The following PPFIBP2 variants were observed in gnomAD, a reference collection of about 807,000 sequenced individuals.
The protein encoded by PPFIBP2 is PPFIB scaffold protein 2, also known as liprin-beta-2.
Under a neutral mutation model 118.3 loss-of-function variants are expected in PPFIBP2, and 118 were observed. The ratio of observed to expected loss-of-function variants is 1.00; its 90% CI spans 0.86 to 1.16. The LOEUF (loss-of-function observed/expected upper bound fraction) is 1.16, where lower values mean the gene tolerates loss of function less well. Ranked by LOEUF, PPFIBP2 falls within the 50% of genes most tolerant of loss-of-function variation. The pLI is 0.00. For synonymous variants in PPFIBP2, 414 were observed against 397.4 expected (o/e 1.04, Z -0.50); for missense variants, 1,195 against 1,073.1 (o/e 1.11, Z -1.59).
downstream of PPFIBP2, chr11:7,656,926 G>A: frequency 3.2e-6 from 2 of 627,450 alleles, no homozygotes; most frequent in South Asian, 3.1e-5. Flanking sequence ...CAGACAGGCT[G>A]CTGACAGGCA....
rs550333923 is a variant in PPFIBP2 at position 7,555,167 on chromosome 11, A to G, written c.64+5628A>G. ...GGTTCAGTGGCTACTTTGTCAGGCC[A>G]CTTCTGGCAGGGGACCAGAGAGCCA... On this transcript the variant is annotated intron_variant, in intron 2 of 23. Transcript: ENST00000299492. Among the ~76,000 whole-genome samples the G allele has an allele frequency of 2.6e-3, 398 of 152,276 alleles. 3 individuals carry two copies. The highest frequency in any genetic ancestry group is 9.4e-3 in the African/African-American group (391 of 41,552).
chr11:7,666,362 TAAAAC>T, the PPFIBP2 span: 2 of 868,298 alleles, frequency 2.3e-6, no homozygotes, highest in East Asian at 2.4e-5. Context: ...CCTACAAAAC[TAAAAC>T]AAAACAAAGA....
chr11:7,597,845 T>C lies in PPFIBP2; in HGVS notation c.486+172T>C, dbSNP rs74921026. 1,080 of 590,466 alleles carry C rather than the reference T, an allele frequency of 1.8e-3. 11 individuals carry two copies. The highest frequency in any genetic ancestry group is 0.018 in the African/African-American group (965 of 53,956). The allele number at this position is 590,466 out of a possible 1,614,324, so 36.6% of individuals were successfully genotyped here. ...CAGCAGGTGAAACCAACCTGAACGT[T>C]GAGAGTGGCAGAGGGGGTAGGGAAG... On this transcript the variant is annotated intron_variant, in intron 5 of 23. Transcript: ENST00000299492.
chr11:7,582,716 G>GAA lies in PPFIBP2; in HGVS notation c.280-10402_280-10401dup, dbSNP rs57245348. 1.7e-3 allele frequency among the ~76,000 whole-genome samples: 218 copies of GAA among 127,128 alleles called. 4 individuals carry two copies. The highest frequency in any genetic ancestry group is 5.9e-3 in the African/African-American group (204 of 34,596). 83.4% of individuals were successfully genotyped at this position (127,128 alleles called of 152,430 possible). On this transcript the variant is annotated intron_variant, in intron 3 of 23. Coordinates refer to ENST00000299492, the MANE Select transcript of PPFIBP2 (RefSeq NM_003621.5). ...ACTGATGTCACTACCAATGTCATAG[G>GAA]AAAAAAAAAAAAAAACCAGCCAAAC... is the stretch of plus-strand genomic sequence containing the variant.
At chr11:7,564,028 TG>T (rs1432159165) in intron 2 of PPFIBP2, among the ~76,000 whole-genome samples, 2 of 152,080 alleles carry the variant, frequency 1.3e-5, no homozygotes, top group African/African-American at 4.8e-5. Context: ...TAGCCAGGCG[TG>T]GTGGCGGGCA....
At position 7,628,278 on chromosome 11, in the gene PPFIBP2, C is replaced by T. The variant is rs1850289483; in HGVS notation, c.827-7C>T. 1 of 1,611,694 alleles carries T rather than the reference C, an allele frequency of 6.2e-7. No individual in the cohort carries two copies. Among genetic ancestry groups the T allele is most frequent in the Admixed American group, 1.7e-5 (1 of 59,940 alleles). ...AAATAATTATTTCTATACCTGAATT[C>T]TTTTAGACCAAGAAATTCAACGTCT... On this transcript the variant is annotated splice_polypyrimidine_tract_variant and splice_region_variant and intron_variant, in intron 8 of 23. Transcript: ENST00000299492.
At chr11:7,570,404 T>G (rs1435175424) in intron 3 of PPFIBP2, among the ~76,000 whole-genome samples, 2 of 152,188 alleles carry the variant, frequency 1.3e-5, no homozygotes, top group African/African-American at 4.8e-5. Flanking sequence ...ATGTACACCC[T>G]TCATCTCCTA....
At chr11:7,577,780 G>T in intron 3 of PPFIBP2, 2 of 406,950 alleles carry the variant, frequency 4.9e-6, no homozygotes, top group South Asian at 3.5e-5. Flanking sequence ...AGTTCTTCAT[G>T]AGAATCTAAT....
Position 7,577,332 on chromosome 11 carries a change from T to TGTGTGTGC in PPFIBP2, c.279+11572_279+11573insCGTGTGTG, listed in dbSNP as rs1564994302. On this transcript the variant is annotated intron_variant, in intron 3 of 23. Transcript: ENST00000299492. ...GTGCATGTATGTGCGTGTGTGTGTG[T>TGTGTGTGC]GTGTGTGTGTGTGTGTGTGTTTGTT... 1,272 of 243,630 alleles carry TGTGTGTGC rather than the reference T, an allele frequency of 5.2e-3. 11 individuals are homozygous for TGTGTGTGC. Among genetic ancestry groups the TGTGTGTGC allele is most frequent in the African/African-American group, 0.028 (1,060 of 38,012 alleles). 15.1% of individuals were successfully genotyped at this position (243,630 alleles called of 1,614,324 possible).
chr11:7,659,170 T>C (rs1358304834), downstream of PPFIBP2, among the ~76,000 whole-genome samples: 11 of 150,196 alleles, frequency 7.3e-5, no homozygotes, highest in South Asian at 6.3e-4. Flanking sequence ...TTGTCAATTT[T>C]GTCTTTTGTT....
chr11:7,534,807 C>T (rs1040370191), intron 1 of PPFIBP2, among the ~76,000 whole-genome samples: 1 of 152,224 alleles, frequency 6.6e-6, no homozygotes, highest in Non-Finnish European at 1.5e-5. Context: ...CTCTGGCAGG[C>T]ATTGTGCAGT....
chr11:7,639,958 C>A (rs910486786), intron 15 of PPFIBP2, 88 bp downstream of exon 15: 2 of 1,493,448 alleles, frequency 1.3e-6, no homozygotes, highest in Non-Finnish European at 1.8e-6. Flanking sequence ...CCTACCACCA[C>A]AATCCACAAT....
chr11:7,561,124 A>G (rs147242095), intron 2 of PPFIBP2, among the ~76,000 whole-genome samples: 12 of 152,274 alleles, frequency 7.9e-5, no homozygotes, highest in Admixed American at 6.5e-4. Flanking sequence ...CTGGAGTGCA[A>G]TGGCACAATC....
In PPFIBP2 at chr11:7,653,106, A is replaced by G. The variant is rs1342024912; in HGVS notation, c.2519A>G (p.Glu840Gly). The G allele has an allele frequency of 1.2e-6, 2 of 1,614,216 alleles. No individual in the cohort carries two copies. Among genetic ancestry groups the G allele is most frequent in the Non-Finnish European group, 8.5e-7 (1 of 1,180,022 alleles). ...TCGACGGACTACATTTGCCCAATGGAGCCCAGTGACGGTGTCAGTGATAGT... is the reference window on the plus strand; with the variant it reads ...TCGACGGACTACATTTGCCCAATGGGGCCCAGTGACGGTGTCAGTGATAGT... ...DESTDYICPM[E>G]PSDGVSDSHR... Residue 840 changes from glutamate to glycine, a missense_variant, in exon 24 of 24, where the codon GAG becomes GGG. Coordinates refer to ENST00000299492, the MANE Select transcript of PPFIBP2 (RefSeq NM_003621.5).
chr11:7,560,620 G>A (rs533455801), intron 2 of PPFIBP2, among the ~76,000 whole-genome samples: 1 of 152,228 alleles, frequency 6.6e-6, no homozygotes, highest in East Asian at 1.9e-4. Flanking sequence ...ATTAATCTTT[G>A]ACTACGTGTC....
At chr11:7,645,988 ATTCT>A (rs2135955893) in intron 17 of PPFIBP2, among the ~76,000 whole-genome samples, 1 of 152,392 alleles carries the variant, frequency 6.6e-6, no homozygotes, top group South Asian at 2.1e-4. Context: ...GAGAGAAATT[ATTCT>A]TTCTTACATT....
At position 7,648,386 on chromosome 11, in the gene PPFIBP2, G is replaced by C; in HGVS notation, c.1647-1G>C. ...GAATATGCTGTTTTCCTGCTTCCCA[G>C]TGACGCCAATGCCCCCTTTGCCCAG... On this transcript the variant is annotated splice_acceptor_variant, in intron 17 of 23. Transcript: ENST00000299492. LOFTEE classifies it high-confidence loss of function. 1 of 1,609,164 alleles carries C rather than the reference G, an allele frequency of 6.2e-7. No individual in the cohort carries two copies. The highest frequency in any genetic ancestry group is 1.1e-5 in the South Asian group (1 of 90,888).
chr11:7,628,313 G>A lies in PPFIBP2; in HGVS notation c.855G>A (p.Gly285=). 3 of 1,613,908 alleles carry A rather than the reference G, an allele frequency of 1.9e-6. No individual in the cohort carries two copies. The highest frequency in any genetic ancestry group is 2.5e-6 in the Non-Finnish European group (3 of 1,179,870). ...AAGAAATTCAACGTCTGAAAATGGG[G>A]ATGGAAACTTTGCTGCTTGCCAATG... is the stretch of plus-strand genomic sequence containing the variant. The part of the protein sequence containing the change: ...RDQEIQRLKM[G]METLLLANED... The change falls in exon 9 of 24, where the codon GGG becomes GGA. Residue 285 remains glycine, a synonymous_variant. Coordinates refer to ENST00000299492, the MANE Select transcript of PPFIBP2 (RefSeq NM_003621.5).
chr11:7,665,571 A>T, the PPFIBP2 span: 3 of 1,577,694 alleles, frequency 1.9e-6, no homozygotes, highest in East Asian at 6.7e-5. Flanking sequence ...ATGCAGGAGC[A>T]AGCTGAGCGA....
Sources: gnomAD v4.1 joint callset for allele counts (sites outside exome capture counted in the v4.1 genomes callset) on GRCh38, gnomAD v4.1.1 for gene constraint, MANE v1.5 for transcripts, NCBI Gene and HGNC (gene_info 2026-07-23, HGNC 2026-07-21) for gene names.